The following CCDC85C variants were observed in gnomAD, a reference collection of about 807,000 sequenced individuals.
CCDC85C encodes coiled-coil domain containing 85C, also known as coiled-coil domain-containing protein 85C.
In CCDC85C, 18 loss-of-function variants were observed where a neutral mutation model predicts 38.3. The ratio of observed to expected loss-of-function variants is 0.47; its 90% confidence interval spans 0.33 to 0.70. The LOEUF is 0.70. Ranked by LOEUF, CCDC85C falls within the 30% of genes least tolerant of loss-of-function variation. The pLI is 0.03. For synonymous variants in CCDC85C, 264 were observed against 293.8 expected, an observed-to-expected ratio of 0.90 and a Z score of 1.04; for missense variants, 566 against 621.2, an observed-to-expected ratio of 0.91 and a Z score of 0.94.
chr14:99,571,409 G>A (rs1044567725), intron 1 of CCDC85C, among the ~76,000 whole-genome samples: 30 of 152,212 alleles, frequency 2.0e-4, no homozygotes, highest in Non-Finnish European at 4.1e-4. Flanking sequence ...TCCAGCTGCT[G>A]TGATGACCAA....
chr14:99,556,636 A>C (rs1263130530), intron 1 of CCDC85C, among the ~76,000 whole-genome samples: 1 of 151,968 alleles, frequency 6.6e-6, no homozygotes, highest in East Asian at 1.9e-4. Flanking sequence ...CAATCCTCCC[A>C]CCTCAGCCTC....
chr14:99,603,781 AGCCGCCGGTTCACGTCGCGCATCAG>A lies in CCDC85C; in HGVS notation c.154_178del (p.Leu52CysfsTer14), dbSNP rs1566788624. On this transcript the variant is annotated frameshift_variant, in exon 1 of 6. Transcript: ENST00000380243. LOFTEE classifies it high-confidence loss of function. The surrounding 1 kb of genome is among the most constrained non-coding windows in gnomAD (Gnocchi z 7.5). Reference sequence around the variant, plus strand: ...GCGGATCTCCAGCAGGTGCTGCTGCAGCCGCCGGTTCACGTCGCGCATCAGGCCGCCGTGCTCCAGCATGAGGCCC... The same window carrying A: ...GCGGATCTCCAGCAGGTGCTGCTGCAGCCGCCGTGCTCCAGCATGAGGCCC... 1 of 1,526,188 alleles carries A rather than the reference AGCCGCCGGTTCACGTCGCGCATCAG, an allele frequency of 6.6e-7. No individual in the cohort carries two copies. The highest frequency in any genetic ancestry group is 1.2e-5 in the South Asian group (1 of 82,444). 94.5% of individuals were successfully genotyped at this position (1,526,188 alleles called of 1,614,324 possible).
Position 99,508,597 on chromosome 14 carries a change from C to T in CCDC85C, c.*6649G>A, listed in dbSNP as rs1897035066. 6.6e-6 allele frequency: 1 copy of T among 152,614 alleles called. No homozygotes were observed. The highest frequency in any genetic ancestry group is 6.5e-5 in the Admixed American group (1 of 15,278). 9.5% of individuals were successfully genotyped at this position (152,614 alleles called of 1,614,324 possible). ...GGAGGGAAGTACGCTTCCTGGGAGG[C>T]CCTAGGCCATGGGAAGAGGCATTCA... On this transcript the variant is annotated 3_prime_UTR_variant, in exon 6 of 6. Transcript: ENST00000380243.
chr14:99,541,427 GCCTC>G (rs1897710721), intron 1 of CCDC85C, among the ~76,000 whole-genome samples: 1 of 152,180 alleles, frequency 6.6e-6, no homozygotes. Flanking sequence ...TCTCACACAC[GCCTC>G]CCTATGATCT....
chr14:99,597,995 C>A (rs183694478), intron 1 of CCDC85C, among the ~76,000 whole-genome samples: 1 of 152,236 alleles, frequency 6.6e-6, no homozygotes, highest in African/African-American at 2.4e-5. Context: ...TAAGCTGCCA[C>A]GGCCATAAAG....
intron 1 of CCDC85C, among the ~76,000 whole-genome samples, chr14:99,590,258 CCAG>C (rs2055071610): frequency 6.6e-6 from 1 of 152,046 alleles, no homozygotes; most frequent in African/African-American, 2.4e-5. Flanking sequence ...GGTGGGGGCA[CCAG>C]CAGGAGGGCA....
chr14:99,540,833 T>C (rs971714692), intron 1 of CCDC85C, among the ~76,000 whole-genome samples: 3 of 152,124 alleles, frequency 2.0e-5, no homozygotes, highest in Admixed American at 1.3e-4. Flanking sequence ...CTGTGCAGCA[T>C]GGTGGGGGGA....
chr14:99,517,224 C>T, intron 3 of CCDC85C, 41 bp from the exon 4 acceptor site: 1 of 1,457,894 alleles, frequency 6.9e-7, no homozygotes, highest in Non-Finnish European at 9.3e-7. Context: ...CCCTGGCTGG[C>T]TCCCACAGGA....
intron 1 of CCDC85C, among the ~76,000 whole-genome samples, chr14:99,579,374 G>A (rs1003057616): frequency 6.6e-6 from 1 of 152,214 alleles, no homozygotes; most frequent in Non-Finnish European, 1.5e-5. Flanking sequence ...AGGGGGGCAG[G>A]GAGGCCCAGT....
At chr14:99,550,750 C>G (rs1190965106) in intron 1 of CCDC85C, among the ~76,000 whole-genome samples, 2 of 152,246 alleles carry the variant, frequency 1.3e-5, no homozygotes, top group Non-Finnish European at 2.9e-5. Context: ...TGCTCACACT[C>G]TAACTGTCCG....
At chr14:99,571,548 C>T (rs1488838035) in intron 1 of CCDC85C, among the ~76,000 whole-genome samples, 4 of 152,304 alleles carry the variant, frequency 2.6e-5, no homozygotes, top group East Asian at 3.9e-4. Context: ...GGAGGTTCAG[C>T]CACGTCTGCA....
At chr14:99,551,548 G>A (rs2139937657) in intron 1 of CCDC85C, among the ~76,000 whole-genome samples, 1 of 151,438 alleles carries the variant, frequency 6.6e-6, no homozygotes, top group East Asian at 2.0e-4. Flanking sequence ...TGGGTGGGCA[G>A]GTGAGTGTGC....
chr14:99,551,737 G>A (rs1305645539), intron 1 of CCDC85C, among the ~76,000 whole-genome samples: 1 of 151,940 alleles, frequency 6.6e-6, no homozygotes, highest in African/African-American at 2.4e-5. Flanking sequence ...GGGTGAGCAG[G>A]TGAGTGAGCA....
chr14:99,568,250 A>T (rs2021925), intron 1 of CCDC85C, among the ~76,000 whole-genome samples: 71,215 of 124,406 alleles, frequency 0.57, 20,366 homozygotes, highest in African/African-American at 0.7. Flanking sequence ...CCTGCCCTTT[A>T]TTTTTTTTTT....
chr14:99,567,706 T>G (rs1898243361), intron 1 of CCDC85C, among the ~76,000 whole-genome samples: 1 of 152,156 alleles, frequency 6.6e-6, no homozygotes, highest in Non-Finnish European at 1.5e-5. Context: ...ATGCCTGCAG[T>G]CCCAGCTACT....
chr14:99,582,293 G>A (rs766638918), intron 1 of CCDC85C, among the ~76,000 whole-genome samples: 2 of 152,144 alleles, frequency 1.3e-5, no homozygotes, highest in African/African-American at 2.4e-5. Context: ...TCCACACCAC[G>A]GAACAAGCAA....
chr14:99,576,773 T>C lies in CCDC85C; in HGVS notation c.793+26394A>G, dbSNP rs982501399. Among the ~76,000 whole-genome samples, 1 of 152,076 alleles carries C rather than the reference T, an allele frequency of 6.6e-6. No individual in the cohort carries two copies. The highest frequency in any genetic ancestry group is 2.4e-5 in the African/African-American group (1 of 41,392). ...TACAATCTTCCTACCCATGACACCC[T>C]GGGGATTCAGAGGGTGGAACGGACT... On this transcript the variant is annotated intron_variant, in intron 1 of 5. Transcript: ENST00000380243. The surrounding 1 kb of genome is among the most constrained non-coding windows in gnomAD (Gnocchi z 4.8).
chr14:99,552,385 G>A (rs8008699), intron 1 of CCDC85C, among the ~76,000 whole-genome samples: 1 of 152,222 alleles, frequency 6.6e-6, no homozygotes, highest in African/African-American at 2.4e-5. Context: ...CTTGCAGGGA[G>A]GGGGAGGCGC....
In CCDC85C at chr14:99,510,666, G is replaced by A; in HGVS notation, c.*4580C>T. 7.3e-7 allele frequency: 1 copy of A among 1,364,044 alleles called. No homozygotes were observed. The highest frequency in any genetic ancestry group is 1.6e-5 in the South Asian group (1 of 63,628). The allele number at this position is 1,364,044 out of a possible 1,614,324, so 84.5% of individuals were successfully genotyped here. ...TCCTCCAGGGTTGGGCCTGCCGCCAGCCAGCTACCCACCTCCTGCCGTCCC... is the reference window on the plus strand; with the variant it reads ...TCCTCCAGGGTTGGGCCTGCCGCCAACCAGCTACCCACCTCCTGCCGTCCC... On this transcript the variant is annotated 3_prime_UTR_variant, in exon 6 of 6. Transcript: ENST00000380243.
Sources: gnomAD v4.1 joint callset for allele counts (sites outside exome capture counted in the v4.1 genomes callset) on GRCh38, gnomAD v4.1.1 for gene constraint, Gnocchi (gnomAD v3.1) non-coding constraint, MANE v1.5 for transcripts, NCBI Gene and HGNC (gene_info 2026-07-23, HGNC 2026-07-21) for gene names.